Variants in FAT3 observed in about 807,000 individuals in gnomAD.
The protein encoded by FAT3 is FAT atypical cadherin 3.
A neutral mutation model predicts 310.2 loss-of-function variants in FAT3; 95 were observed. That is an observed-to-expected ratio of 0.31 (90% CI 0.26 to 0.36). The LOEUF is 0.36. FAT3 is among the 10% of genes least tolerant of loss of function. The pLI, the probability that FAT3 is intolerant of heterozygous loss-of-function variation, is 1.00. For synonymous variants in FAT3, 2,314 were observed against 2,192.9 expected (o/e 1.06, Z -1.54); for missense variants, 5,408 against 5,715.6 (o/e 0.95, Z 1.74).
intron 3 of FAT3, among the ~76,000 whole-genome samples, chr11:92,561,648 C>T (rs182833611): frequency 3.6e-4 from 54 of 151,940 alleles, no homozygotes; most frequent in African/African-American, 1.0e-3. Context: ...ATTTTTGAGA[C>T]GGAGTCTCGC....
chr11:92,309,233 T>C (rs1256069659), intron 1 of FAT3, among the ~76,000 whole-genome samples: 4 of 146,814 alleles, frequency 2.7e-5, no homozygotes, highest in Admixed American at 1.4e-4. Flanking sequence ...TTGGCGGTCC[T>C]GTCCTCATTG....
chr11:92,596,761 G>A (rs1939729943), intron 3 of FAT3, among the ~76,000 whole-genome samples: 1 of 152,162 alleles, frequency 6.6e-6, no homozygotes, highest in African/African-American at 2.4e-5. Context: ...ACCAAGTGCT[G>A]GTTTCCTGCT....
In FAT3 at chr11:92,473,253, G is replaced by A. The variant is rs1257886312; in HGVS notation, c.3293-51381G>A. Among the ~76,000 whole-genome samples, 3 of 152,112 alleles carry A rather than the reference G, an allele frequency of 2.0e-5. No individual in the cohort carries two copies. In the East Asian group the frequency reaches 5.8e-4, roughly 29 times the overall value. ...TAATTGGCGCAGTACTTACCATAGA[G>A]CAGGCACTCAGTAAATGTTTGTTAA... On this transcript the variant is annotated intron_variant, in intron 2 of 27. Coordinates refer to ENST00000525166, the MANE Select transcript of FAT3 (RefSeq NM_001367949.2).
intron 1 of FAT3, among the ~76,000 whole-genome samples, chr11:92,342,307 C>A (rs1287345287): frequency 6.6e-6 from 1 of 152,158 alleles, no homozygotes; most frequent in African/African-American, 2.4e-5. Flanking sequence ...CCCTCCCCAC[C>A]ATCCACTGGC....
intron 3 of FAT3, among the ~76,000 whole-genome samples, chr11:92,551,406 T>TTCTTG (rs1954812063): frequency 8.0e-6 from 1 of 125,380 alleles, no homozygotes; most frequent in Non-Finnish European, 1.8e-5. Flanking sequence ...TCCCATGTTT[T>TTCTTG]TTTTGTTTTG....
At chr11:92,721,652 C>G (rs1192834486) in intron 4 of FAT3, among the ~76,000 whole-genome samples, 1 of 152,136 alleles carries the variant, frequency 6.6e-6, no homozygotes, top group Non-Finnish European at 1.5e-5. Flanking sequence ...AATGTTGTAT[C>G]CTTGATGCTC....
At chr11:92,431,819 A>C (rs975206388) in intron 2 of FAT3, among the ~76,000 whole-genome samples, 4 of 151,914 alleles carry the variant, frequency 2.6e-5, no homozygotes, top group African/African-American at 7.3e-5. Flanking sequence ...AGATATGCGG[A>C]ATTATTTCTG....
At chr11:92,889,447 G>A (rs57569860) in intron 26 of FAT3, among the ~76,000 whole-genome samples, 199 bp downstream of exon 26, 4 of 150,946 alleles carry the variant, frequency 2.6e-5, no homozygotes, top group Non-Finnish European at 4.4e-5. Context: ...AATATATAAG[G>A]TACCCTCTTT....
At chr11:92,452,977 T>C (rs1348802117) in intron 2 of FAT3, among the ~76,000 whole-genome samples, 1 of 152,098 alleles carries the variant, frequency 6.6e-6, no homozygotes, top group Admixed American at 6.5e-5. Context: ...TTTCACCATG[T>C]TGCCCAGGCT....
At chr11:92,568,375 G>A (rs1437142757) in intron 3 of FAT3, among the ~76,000 whole-genome samples, 1 of 133,842 alleles carries the variant, frequency 7.5e-6, no homozygotes. Context: ...TATCCCGATG[G>A]CATGATGAGA....
rs145884026 is a variant in FAT3 at position 92,685,759 on chromosome 11, G to A, written c.3608-11625G>A. 4.4e-3 allele frequency among the ~76,000 whole-genome samples: 670 copies of A among 152,020 alleles called. 15 individuals are homozygous for A. The highest frequency in any genetic ancestry group is 0.039 in the East Asian group (201 of 5,158). On this transcript the variant is annotated intron_variant, in intron 3 of 27. Coordinates refer to ENST00000525166, the MANE Select transcript of FAT3 (RefSeq NM_001367949.2). ...ATGAACATTAAGTGAATAAAAATATGGTTGCCCTGGAGAAGTCACAGTCTA... is the reference window on the plus strand; with the variant it reads ...ATGAACATTAAGTGAATAAAAATATAGTTGCCCTGGAGAAGTCACAGTCTA...
chr11:92,433,923 G>A (rs539072291), intron 2 of FAT3, among the ~76,000 whole-genome samples: 1 of 151,704 alleles, frequency 6.6e-6, no homozygotes, highest in African/African-American at 2.4e-5. Flanking sequence ...GGCTGAGGCA[G>A]GATAATGGCG....
chr11:92,383,291 A>G (rs1412862505), intron 2 of FAT3, among the ~76,000 whole-genome samples: 2 of 152,240 alleles, frequency 1.3e-5, no homozygotes, highest in Non-Finnish European at 2.9e-5. Context: ...TACTGCTGCA[A>G]TGAACATACA....
Position 92,894,148 on chromosome 11 carries a change from T to C in FAT3, c.*3035T>C, listed in dbSNP as rs146467923. On this transcript the variant is annotated 3_prime_UTR_variant, in exon 28 of 28. Transcript: ENST00000525166. ...AGAAAATTCATGGAGAATATTTTTC[T>C]GAAAGCCTCATGATCTTATGTTTCC... The C allele has an allele frequency of 8.2e-4, 125 of 152,356 alleles. No individual in the cohort carries two copies. Among genetic ancestry groups the C allele is most frequent in the African/African-American group, 3.0e-3 (123 of 41,582 alleles). The allele number at this position is 152,356 out of a possible 1,614,324, so 9.4% of individuals were successfully genotyped here.
At chr11:92,382,479 T>C (rs1308142032) in intron 2 of FAT3, among the ~76,000 whole-genome samples, 10 of 152,126 alleles carry the variant, frequency 6.6e-5, no homozygotes, top group Non-Finnish European at 1.5e-4. Flanking sequence ...ACAAAACCTT[T>C]CCTTTCCTGA....
At chr11:92,678,549 G>T (rs139157747) in intron 3 of FAT3, among the ~76,000 whole-genome samples, 2 of 152,188 alleles carry the variant, frequency 1.3e-5, no homozygotes, top group East Asian at 3.9e-4. Context: ...TTTCCCACAC[G>T]TGCCTTTTGG....
intron 1 of FAT3, among the ~76,000 whole-genome samples, chr11:92,331,091 T>C (rs1317800598): frequency 6.6e-6 from 1 of 151,940 alleles, no homozygotes; most frequent in Non-Finnish European, 1.5e-5. Context: ...AAATAAAACC[T>C]GTAATGAAAT....
At chr11:92,766,993 A>C (rs899748836) in intron 6 of FAT3, 1 of 152,260 alleles carries the variant, frequency 6.6e-6, no homozygotes, top group African/African-American at 2.4e-5. Flanking sequence ...TCACGCCTGT[A>C]ATCTCAACAC....
intron 7 of FAT3, among the ~76,000 whole-genome samples, chr11:92,789,555 G>A (rs1946983832): frequency 6.6e-6 from 1 of 151,964 alleles, no homozygotes; most frequent in African/African-American, 2.4e-5. Flanking sequence ...TTCTGTCACT[G>A]CCTCCACAGA....
Sources: allele counts gnomAD v4.1 joint callset (sites outside exome capture counted in the v4.1 genomes callset), GRCh38; gene constraint gnomAD v4.1.1; transcripts MANE v1.5; gene names NCBI Gene and HGNC (gene_info 2026-07-23, HGNC 2026-07-21).